The following PCDH11X variants were observed in gnomAD, a reference collection of about 807,000 sequenced individuals.
The protein encoded by PCDH11X is protocadherin 11 X-linked.
In PCDH11X, 18 loss-of-function variants were observed where a neutral mutation model predicts 53.3. The ratio of observed to expected loss-of-function variants is 0.34; its 90% confidence interval spans 0.23 to 0.50. PCDH11X has a LOEUF of 0.50. PCDH11X is among the 20% of genes least tolerant of loss of function. The pLI is 0.98. For synonymous variants in PCDH11X, 279 were observed against 393.3 expected, an observed-to-expected ratio of 0.71 and a Z score of 3.44; for missense variants, 570 against 1,032.4, an observed-to-expected ratio of 0.55 and a Z score of 6.14.
intron 4 of PCDH11X, among the ~76,000 whole-genome samples, chrX:91,813,242 TAAAA>T (rs1387942137): frequency 2.7e-5 from 3 of 110,745 alleles, no homozygotes; most frequent in Non-Finnish European, 5.7e-5. Context: ...ATTTTAAAGT[TAAAA>T]AAAACAAAAC....
chrX:92,221,825 C>T (rs1056461560), intron 7 of PCDH11X, among the ~76,000 whole-genome samples: 3 of 103,659 alleles, frequency 2.9e-5, no homozygotes, highest in African/African-American at 1.0e-4. Flanking sequence ...TCAGAGCAAA[C>T]CATTTTCTTA....
intron 10 of PCDH11X, among the ~76,000 whole-genome samples, chrX:92,508,337 C>T (rs1474083659): frequency 1.8e-5 from 2 of 109,784 alleles, no homozygotes; most frequent in Non-Finnish European, 3.8e-5. Context: ...GATTCTTTGC[C>T]TCAGTCTCCC....
At chrX:91,934,456 T>C (rs2061422343) in intron 6 of PCDH11X, among the ~76,000 whole-genome samples, 1 of 111,061 alleles carries the variant, frequency 9.0e-6, no homozygotes, top group Non-Finnish European at 1.9e-5. Context: ...TCTTTGTTCC[T>C]TGCTAAAATC....
Position 92,380,478 on chromosome X carries a change from G to A in PCDH11X, c.3145-7257G>A, listed in dbSNP as rs35938785. On this transcript the variant is annotated intron_variant, in intron 8 of 10. Coordinates refer to ENST00000682573, the MANE Select transcript of PCDH11X (RefSeq NM_032968.5). ...TTTCTGTCTGGTGAAGCAACACCCC[G>A]AAGATCTTGTGACATATGCATGATT... 9.4e-4 allele frequency among the ~76,000 whole-genome samples: 105 copies of A among 112,147 alleles called. 1 individual carries two copies. The highest frequency in any genetic ancestry group is 3.7e-4 in the South Asian group (1 of 2,726).
intron 9 of PCDH11X, among the ~76,000 whole-genome samples, chrX:92,422,998 G>T (rs1435383914): frequency 9.3e-6 from 1 of 107,519 alleles, no homozygotes; most frequent in Non-Finnish European, 1.9e-5. Context: ...ACAGGCACCC[G>T]CCACAAGGCC....
chrX:91,825,067 G>C (rs1368983586), intron 4 of PCDH11X, among the ~76,000 whole-genome samples: 1 of 111,185 alleles, frequency 9.0e-6, no homozygotes, highest in Non-Finnish European at 1.9e-5. Flanking sequence ...GAGAACCACT[G>C]CTCTCTTCAA....
At chrX:91,953,999 T>A (rs1369283496) in intron 6 of PCDH11X, among the ~76,000 whole-genome samples, 1 of 110,696 alleles carries the variant, frequency 9.0e-6, no homozygotes. Context: ...TATTGCAGGA[T>A]GTGCAGGTTT....
intron 8 of PCDH11X, among the ~76,000 whole-genome samples, chrX:92,273,880 G>A (rs1277772045): frequency 9.0e-6 from 1 of 110,938 alleles, no homozygotes; most frequent in Non-Finnish European, 1.9e-5. Flanking sequence ...AGGAGATTCA[G>A]CATAGTCCTG....
intron 5 of PCDH11X, among the ~76,000 whole-genome samples, chrX:91,865,054 C>G (rs1938892012): frequency 9.0e-6 from 1 of 110,571 alleles, no homozygotes; most frequent in East Asian, 2.9e-4. Flanking sequence ...TCACGTTTTC[C>G]TGGATGGTGT....
intron 7 of PCDH11X, among the ~76,000 whole-genome samples, chrX:92,239,591 A>G: frequency 8.9e-6 from 1 of 111,981 alleles, no homozygotes; most frequent in Non-Finnish European, 1.9e-5. Flanking sequence ...TGCATTACTG[A>G]CAATACATAT....
In PCDH11X at chrX:92,030,148, A is replaced by G. The variant is rs185797281; in HGVS notation, c.3033+150875A>G. On this transcript the variant is annotated intron_variant, in intron 6 of 10. Coordinates refer to ENST00000682573, the MANE Select transcript of PCDH11X (RefSeq NM_032968.5). Reference sequence around the variant, plus strand: ...CAGCTAAGTTTTGTGTTTTTAGTAGAGATGGAGTTTCACCTTGCTGGCCAG... The same window carrying G: ...CAGCTAAGTTTTGTGTTTTTAGTAGGGATGGAGTTTCACCTTGCTGGCCAG... 8.9e-3 allele frequency among the ~76,000 whole-genome samples: 988 copies of G among 110,955 alleles called. 13 individuals carry two copies. The highest frequency in any genetic ancestry group is 0.031 in the African/African-American group (936 of 30,514).
intron 6 of PCDH11X, among the ~76,000 whole-genome samples, chrX:91,930,961 T>C (rs1387173581): frequency 2.7e-5 from 3 of 110,128 alleles, no homozygotes; most frequent in Admixed American, 2.0e-4. Flanking sequence ...TTAGTTTTAA[T>C]AGATTAGATT....
intron 6 of PCDH11X, among the ~76,000 whole-genome samples, chrX:92,036,428 T>C (rs1212177843): frequency 2.8e-5 from 3 of 108,791 alleles, no homozygotes; most frequent in Non-Finnish European, 5.7e-5. Context: ...TTTCCTGCAC[T>C]GTTCTCATGA....
At chrX:92,113,220 G>A in intron 6 of PCDH11X, 3 of 1,173,855 alleles carry the variant, frequency 2.6e-6, no homozygotes, top group Non-Finnish European at 3.4e-6. Context: ...CCCTGGCTGG[G>A]GCTGGGTGGC....
chrX:92,435,474 A>G (rs1331199671), intron 9 of PCDH11X, among the ~76,000 whole-genome samples: 2 of 110,963 alleles, frequency 1.8e-5, no homozygotes, highest in African/African-American at 6.5e-5. Flanking sequence ...ATCATCCCCA[A>G]GAAACATAAT....
At chrX:92,426,864 A>T (rs2072129563) in intron 9 of PCDH11X, among the ~76,000 whole-genome samples, 1 of 111,130 alleles carries the variant, frequency 9.0e-6, no homozygotes, top group South Asian at 3.8e-4. Context: ...ATTTAGATGC[A>T]AAGTATATAA....
intron 8 of PCDH11X, among the ~76,000 whole-genome samples, chrX:92,352,729 C>A (rs750063623): frequency 9.0e-6 from 1 of 111,489 alleles, no homozygotes; most frequent in African/African-American, 3.3e-5. Context: ...TTCCTGTGAG[C>A]TAAACTGTAG....
At chrX:92,130,962 A>T (rs1378275427) in intron 6 of PCDH11X, among the ~76,000 whole-genome samples, 2 of 102,245 alleles carry the variant, frequency 2.0e-5, no homozygotes, top group African/African-American at 7.4e-5. Flanking sequence ...GGAAATATGT[A>T]AAAAAAAAAA....
chrX:92,508,250 T>C (rs2074101828), intron 10 of PCDH11X, among the ~76,000 whole-genome samples: 1 of 110,267 alleles, frequency 9.1e-6, no homozygotes, highest in Non-Finnish European at 1.9e-5. Context: ...TGAGACAGAA[T>C]TTTGCTCTTG....
Sources: allele counts gnomAD v4.1 joint callset (sites outside exome capture counted in the v4.1 genomes callset), GRCh38; gene constraint gnomAD v4.1.1; transcripts MANE v1.5; gene names NCBI Gene and HGNC (gene_info 2026-07-23, HGNC 2026-07-21).